Variants in GABRG1 observed in about 807,000 individuals in gnomAD.
The protein encoded by GABRG1 is gamma-aminobutyric acid type A receptor subunit gamma1, also known as gamma-aminobutyric acid receptor subunit gamma-1.
GABRG1 carries 49 observed loss-of-function variants against 49.8 expected under a neutral mutation model. The observed-to-expected ratio is 0.98, with a 90% CI of 0.78 to 1.25. The LOEUF (loss-of-function observed/expected upper bound fraction) is 1.25, where lower values mean the gene tolerates loss of function less well. GABRG1 is among the 50% of genes most tolerant of loss of function. The pLI, the probability that GABRG1 is intolerant of heterozygous loss-of-function variation, is 0.00. For missense variants in GABRG1, 552 were observed against 552.3 expected, an observed-to-expected ratio of 1.00 and a Z score of 0.01; for synonymous variants, 232 against 185.1, an observed-to-expected ratio of 1.25 and a Z score of -2.06.
intron 3 of GABRG1, among the ~76,000 whole-genome samples, chr4:46,082,571 G>A (rs1183113303): frequency 1.3e-5 from 2 of 151,762 alleles, no homozygotes; most frequent in Admixed American, 1.3e-4. Flanking sequence ...CAATCCAGCT[G>A]TTATCCCTTT....
chr4:46,123,955 C>T lies in GABRG1; in HGVS notation c.-42G>A, dbSNP rs1281672356. The T allele has an allele frequency of 6.8e-7, 1 of 1,480,892 alleles. No homozygotes were observed. Among genetic ancestry groups the T allele is most frequent in the South Asian group, 1.1e-5 (1 of 87,524 alleles). The allele number at this position is 1,480,892 out of a possible 1,614,324, so 91.7% of individuals were successfully genotyped here. A position where few individuals can be genotyped will look rare whatever the true frequency, so the allele number is the denominator to read the frequency against. ...CGTGTGCTGCACTAGCTCAATTCTC[C>T]CAGCCAGGACTTTTCCTCCCACCTC... On this transcript the variant is annotated 5_prime_UTR_variant, in exon 1 of 9. Coordinates refer to ENST00000295452, the MANE Select transcript of GABRG1 (RefSeq NM_173536.4).
chr4:46,049,444 G>C (rs1718129436), intron 8 of GABRG1, among the ~76,000 whole-genome samples: 1 of 151,838 alleles, frequency 6.6e-6, no homozygotes, highest in Non-Finnish European at 1.5e-5. Context: ...ACAAAGAAAA[G>C]AGACTATCAA....
Position 46,065,126 on chromosome 4 carries a change from T to C in GABRG1, c.542+238A>G, listed in dbSNP as rs576220232. 7.9e-5 allele frequency among the ~76,000 whole-genome samples: 12 copies of C among 152,286 alleles called. No homozygotes were observed. The South Asian group carries it at 1.7e-3, about 21-fold the overall frequency. ...CCATAATCTTTATGCTGCAACCTGTTCTGCTTCAAAGGAAGAAAATCAAAG... is the reference window on the plus strand; with the variant it reads ...CCATAATCTTTATGCTGCAACCTGTCCTGCTTCAAAGGAAGAAAATCAAAG... On this transcript the variant is annotated intron_variant, in intron 4 of 8. Transcript: ENST00000295452.
intron 1 of GABRG1, among the ~76,000 whole-genome samples, chr4:46,112,509 A>AT (rs1720748775): frequency 6.6e-6 from 1 of 151,290 alleles, no homozygotes; most frequent in Non-Finnish European, 1.5e-5. Flanking sequence ...AAAACAAATA[A>AT]TTCTACCAAA....
At chr4:46,094,182 A>C (rs1720096477) in intron 2 of GABRG1, among the ~76,000 whole-genome samples, 1 of 146,990 alleles carries the variant, frequency 6.8e-6, no homozygotes, top group African/African-American at 2.7e-5. Context: ...TCAAAAATGT[A>C]TATAAAAAAA....
chr4:46,112,221 G>A (rs28768100), intron 1 of GABRG1, among the ~76,000 whole-genome samples: 14,342 of 151,010 alleles, frequency 0.095, 1,697 homozygotes, highest in African/African-American at 0.28. Flanking sequence ...GAGGTGGCCA[G>A]CAAACATAGG....
At chr4:46,066,410 C>T (rs1718923849) in intron 3 of GABRG1, among the ~76,000 whole-genome samples, 1 of 152,164 alleles carries the variant, frequency 6.6e-6, no homozygotes, top group South Asian at 2.1e-4. Context: ...AAGAGCTTTG[C>T]ATGTTCATCT....
intron 8 of GABRG1, among the ~76,000 whole-genome samples, chr4:46,043,906 T>C (rs1183607921): frequency 6.6e-6 from 1 of 151,870 alleles, no homozygotes; most frequent in Non-Finnish European, 1.5e-5. Flanking sequence ...AAATGGGAAG[T>C]GATAAATAAA....
At chr4:46,059,695 G>C (rs1211964849) in intron 5 of GABRG1, among the ~76,000 whole-genome samples, 1 of 152,074 alleles carries the variant, frequency 6.6e-6, no homozygotes, top group Admixed American at 6.5e-5. Context: ...TTACAGGCAT[G>C]AGCCACCACG....
chr4:46,058,745 T>C (rs779569915), intron 5 of GABRG1, 123 bp from the exon 6 acceptor site: 20 of 697,872 alleles, frequency 2.9e-5, no homozygotes, highest in South Asian at 6.1e-5. Flanking sequence ...ATGCCAAACA[T>C]AGAATATTTG....
At chr4:46,113,468 T>C (rs1481194116) in intron 1 of GABRG1, among the ~76,000 whole-genome samples, 1 of 150,910 alleles carries the variant, frequency 6.6e-6, no homozygotes, top group African/African-American at 2.4e-5. Context: ...CTCTTGACAC[T>C]TGGGGATTAT....
intron 1 of GABRG1, among the ~76,000 whole-genome samples, chr4:46,109,505 C>T (rs747441012): frequency 1.4e-4 from 21 of 150,732 alleles, no homozygotes; most frequent in Non-Finnish European, 2.4e-4. Flanking sequence ...TTTGTGTCTC[C>T]ATTACATTCA....
At chr4:46,047,312 A>G (rs1718037497) in intron 8 of GABRG1, among the ~76,000 whole-genome samples, 1 of 152,044 alleles carries the variant, frequency 6.6e-6, no homozygotes, top group Admixed American at 6.6e-5. Context: ...AGTTCCCTCT[A>G]TCTTAAATGT....
intron 2 of GABRG1, among the ~76,000 whole-genome samples, chr4:46,086,135 G>T (rs1719743793): frequency 6.6e-6 from 1 of 151,594 alleles, no homozygotes. Flanking sequence ...GTTTCTTTCT[G>T]TGCTGTTATT....
chr4:46,077,440 TAG>T (rs1186241894), intron 3 of GABRG1, among the ~76,000 whole-genome samples: 2 of 152,054 alleles, frequency 1.3e-5, no homozygotes. Flanking sequence ...TGGTGACCAC[TAG>T]ATATAATATT....
intron 1 of GABRG1, among the ~76,000 whole-genome samples, chr4:46,114,741 G>A (rs1469396863): frequency 1.3e-5 from 2 of 150,676 alleles, no homozygotes; most frequent in African/African-American, 2.4e-5. Context: ...CTATAACTGT[G>A]GTCCTTAATT....
At chr4:46,090,474 A>AT (rs1719939869) in intron 2 of GABRG1, among the ~76,000 whole-genome samples, 1 of 152,020 alleles carries the variant, frequency 6.6e-6, no homozygotes, top group African/African-American at 2.4e-5. Flanking sequence ...TTAAGCATTG[A>AT]TTTAGCAATT....
Position 46,106,824 on chromosome 4 carries a change from A to T in GABRG1, c.105-9475T>A, listed in dbSNP as rs138486587. Among the ~76,000 whole-genome samples the T allele has an allele frequency of 1.5e-4, 23 of 151,306 alleles. No individual in the cohort carries two copies. The East Asian group carries it at 4.5e-3, about 30-fold the overall frequency. On this transcript the variant is annotated intron_variant, in intron 1 of 8. Transcript: ENST00000295452. ...TTGCTGGGTCATTAAGCTTGATATG[A>T]AAAAGAATCATGAGTGAGGAAGAAT...
rs1196120765 is a variant in GABRG1 at position 46,051,449 on chromosome 4, T to C, written c.1106A>G (p.Asp369Gly). The C allele has an allele frequency of 6.2e-7, 1 of 1,608,908 alleles. No homozygotes were observed. The highest frequency in any genetic ancestry group is 1.7e-5 in the Admixed American group (1 of 59,480). ...CGAGGCTTTATTTTTTAGCTTTCTG[T>C]CTTTAGTAGCAGTCTTTCCTTTTTG... ...SNQKGKTATK[D>G]RKLKNKASMT... Residue 369 changes from aspartate (D) to glycine (G), a missense_variant, in exon 8 of 9, where the codon GAC (aspartate) becomes GGC (glycine). By Grantham distance (94) the Asp-to-Gly change is moderately conservative. Transcript: ENST00000295452.
Sources: allele counts gnomAD v4.1 joint callset (sites outside exome capture counted in the v4.1 genomes callset), GRCh38; gene constraint gnomAD v4.1.1; transcripts MANE v1.5; gene names NCBI Gene and HGNC (gene_info 2026-07-23, HGNC 2026-07-21).